Variants in HS3ST4 observed in about 807,000 individuals in gnomAD.
HS3ST4 encodes the protein heparan sulfate-glucosamine 3-sulfotransferase 4.
In HS3ST4, 17 loss-of-function variants were observed where a neutral mutation model predicts 29.2. That is an observed-to-expected ratio of 0.58 (90% confidence interval 0.40 to 0.87). The LOEUF is 0.87. Among genes scored for constraint, HS3ST4 ranks in the 40% least tolerant of loss-of-function variants. The pLI, the probability that HS3ST4 is intolerant of heterozygous loss-of-function variation, is 0.00. For synonymous variants in HS3ST4, 314 were observed against 285.7 expected (o/e 1.10, Z -1.00); for missense variants, 627 against 634.5 (o/e 0.99, Z 0.13).
At chr16:25,856,754 C>G (rs953647898) in intron 1 of HS3ST4, among the ~76,000 whole-genome samples, 3 of 152,184 alleles carry the variant, frequency 2.0e-5, no homozygotes, top group Non-Finnish European at 4.4e-5. Flanking sequence ...CAAGCTTGCT[C>G]TATGCCATCT....
At chr16:25,962,132 T>G (rs1317620298) in intron 1 of HS3ST4, among the ~76,000 whole-genome samples, 1 of 152,040 alleles carries the variant, frequency 6.6e-6, no homozygotes, top group Non-Finnish European at 1.5e-5. Context: ...TAGAAGAACT[T>G]TTGGTATGGG....
Position 26,112,233 on chromosome 16 carries a change from A to AGT in HS3ST4, c.735-23364_735-23363dup, listed in dbSNP as rs745655766. Among the ~76,000 whole-genome samples, 248 of 115,526 alleles carry AGT rather than the reference A, an allele frequency of 2.1e-3. 1 individual carries two copies. In the East Asian group the frequency reaches 0.032, roughly 15 times the overall value. The allele number at this position is 115,526 out of a possible 152,430, so 75.8% of individuals were successfully genotyped here. A position where few individuals can be genotyped will look rare whatever the true frequency, so the allele number is the denominator to read the frequency against. On this transcript the variant is annotated intron_variant, in intron 1 of 1. Coordinates refer to ENST00000331351, the MANE Select transcript of HS3ST4 (RefSeq NM_006040.3). ...GGAATTTTGTGTGAAACCATGCTCG[A>AGT]GTGTGTGTGTGTGTGTATGTGTGTG...
intron 1 of HS3ST4, among the ~76,000 whole-genome samples, chr16:25,838,713 C>G (rs55915983): frequency 6.6e-6 from 1 of 152,278 alleles, no homozygotes; most frequent in African/African-American, 2.4e-5. Flanking sequence ...TTGCGTCCTT[C>G]CAGAGAAGCT....
At position 25,854,492 on chromosome 16, in the gene HS3ST4, A is replaced by G. The variant is rs181309093; in HGVS notation, c.734+161341A>G. On this transcript the variant is annotated intron_variant, in intron 1 of 1. Coordinates refer to ENST00000331351, the MANE Select transcript of HS3ST4 (RefSeq NM_006040.3). ...CTGTATTGCCATCTGTTTTATCAGC[A>G]AGGTCTTTGTGACCTGTATCCTGTG... is the stretch of plus-strand genomic sequence containing the variant. Among the ~76,000 whole-genome samples the G allele has an allele frequency of 3.3e-3, 500 of 152,194 alleles. 8 individuals carry two copies. The highest frequency in any genetic ancestry group is 1.7e-3 in the Non-Finnish European group (117 of 67,998).
chr16:25,933,766 T>G (rs1050673269), intron 1 of HS3ST4, among the ~76,000 whole-genome samples: 1 of 152,062 alleles, frequency 6.6e-6, no homozygotes, highest in African/African-American at 2.4e-5. Context: ...GAAAGGGAGA[T>G]AGTGTGTCAT....
At chr16:25,960,619 A>G (rs1483136456) in intron 1 of HS3ST4, among the ~76,000 whole-genome samples, 1 of 152,174 alleles carries the variant, frequency 6.6e-6, no homozygotes, top group Non-Finnish European at 1.5e-5. Context: ...GGAAGGTCTA[A>G]GTTACATGTC....
At chr16:26,108,130 A>G (rs1448852020) in intron 1 of HS3ST4, among the ~76,000 whole-genome samples, 2 of 152,186 alleles carry the variant, frequency 1.3e-5, no homozygotes, top group Non-Finnish European at 2.9e-5. Flanking sequence ...CTTGACTTTA[A>G]TAATGGCCAT....
chr16:25,726,316 A>C (rs922193842), intron 1 of HS3ST4, among the ~76,000 whole-genome samples: 6 of 152,118 alleles, frequency 3.9e-5, no homozygotes, highest in African/African-American at 1.4e-4. Flanking sequence ...GTCCACACAC[A>C]CACACGTACA....
At chr16:25,890,915 C>A (rs1968001257) in intron 1 of HS3ST4, among the ~76,000 whole-genome samples, 1 of 151,940 alleles carries the variant, frequency 6.6e-6, no homozygotes, top group Non-Finnish European at 1.5e-5. Context: ...CATTTCTGAG[C>A]CATGATTGGG....
intron 1 of HS3ST4, among the ~76,000 whole-genome samples, chr16:25,923,071 A>G (rs1968369558): frequency 6.6e-6 from 1 of 152,188 alleles, no homozygotes; most frequent in Non-Finnish European, 1.5e-5. Context: ...TTCTTCCTCT[A>G]CTACATAAAG....
chr16:25,929,196 A>G (rs1181280982), intron 1 of HS3ST4, among the ~76,000 whole-genome samples: 1 of 152,096 alleles, frequency 6.6e-6, no homozygotes, highest in Non-Finnish European at 1.5e-5. Flanking sequence ...ATCCTGGCCA[A>G]TATGGTAAAA....
At chr16:25,714,806 C>A (rs1407978155) in intron 1 of HS3ST4, among the ~76,000 whole-genome samples, 1 of 152,168 alleles carries the variant, frequency 6.6e-6, no homozygotes, top group Non-Finnish European at 1.5e-5. Context: ...TTTATTTAAC[C>A]ACTTCTCTCC....
chr16:26,065,772 C>G (rs1898535048), intron 1 of HS3ST4, among the ~76,000 whole-genome samples: 1 of 152,164 alleles, frequency 6.6e-6, no homozygotes, highest in East Asian at 1.9e-4. Context: ...TTCTTAGTTT[C>G]TAAGCTCTGT....
At chr16:26,030,449 G>A (rs980968491) in intron 1 of HS3ST4, among the ~76,000 whole-genome samples, 1 of 152,218 alleles carries the variant, frequency 6.6e-6, no homozygotes, top group Non-Finnish European at 1.5e-5. Flanking sequence ...ATATTTCTAG[G>A]TTAATGATGA....
At chr16:25,869,470 C>T (rs1024143404) in intron 1 of HS3ST4, among the ~76,000 whole-genome samples, 2 of 152,024 alleles carry the variant, frequency 1.3e-5, no homozygotes, top group African/African-American at 4.8e-5. Flanking sequence ...GTTATTTGAC[C>T]TCTTTTTGAT....
intron 1 of HS3ST4, among the ~76,000 whole-genome samples, chr16:26,001,181 T>G (rs577550927): frequency 2.0e-4 from 31 of 152,280 alleles, no homozygotes; most frequent in African/African-American, 6.0e-4. Context: ...TAGACAAAAA[T>G]TTGAATCAAT....
At chr16:25,709,908 C>T (rs1318622336) in intron 1 of HS3ST4, among the ~76,000 whole-genome samples, 1 of 152,146 alleles carries the variant, frequency 6.6e-6, no homozygotes, top group East Asian at 1.9e-4. Flanking sequence ...GTGTATCTTA[C>T]AAGAGAATTC....
intron 1 of HS3ST4, among the ~76,000 whole-genome samples, chr16:25,693,596 C>T (rs1966272996): frequency 6.6e-6 from 1 of 152,180 alleles, no homozygotes; most frequent in South Asian, 2.1e-4. Flanking sequence ...CACCCTCAAA[C>T]GCATTTGCGT....
At chr16:26,127,294 C>T (rs1011821157) in intron 1 of HS3ST4, among the ~76,000 whole-genome samples, 7 of 152,218 alleles carry the variant, frequency 4.6e-5, no homozygotes, top group Non-Finnish European at 8.8e-5. Flanking sequence ...CACATCCCTG[C>T]TGCCATGCCT....
Sources: gnomAD v4.1 joint callset for allele counts (sites outside exome capture counted in the v4.1 genomes callset) on GRCh38, gnomAD v4.1.1 for gene constraint, MANE v1.5 for transcripts, NCBI Gene and HGNC (gene_info 2026-07-23, HGNC 2026-07-21) for gene names.